Variants in GNB1 observed in about 807,000 individuals in gnomAD.
GNB1 encodes the protein guanine nucleotide-binding protein G(I)/G(S)/G(T) subunit beta-1.
Under a neutral mutation model 42.9 loss-of-function variants are expected in GNB1, and 2 were observed. That is an observed-to-expected ratio of 0.05 (90% CI 0.02 to 0.15). The LOEUF (loss-of-function observed/expected upper bound fraction) is 0.15. GNB1 is among the 10% of genes least tolerant of loss of function. The pLI is 1.00. For missense variants in GNB1, 193 were observed against 462.2 expected (o/e 0.42, Z 5.34); for synonymous variants, 183 against 174.7 (o/e 1.05, Z -0.38).
At chr1:1,815,669 A>G in intron 5 of GNB1, 87 bp downstream of exon 5, 1 of 734,372 alleles carries the variant, frequency 1.4e-6, no homozygotes, top group Non-Finnish European at 2.4e-6. Flanking sequence ...TGCACAGCAC[A>G]GCAAATGGGT....
In GNB1 at chr1:1,785,667, G is replaced by C; in HGVS notation, c.*1396C>G. On this transcript the variant is annotated 3_prime_UTR_variant, in exon 12 of 12. Coordinates refer to ENST00000378609, the MANE Select transcript of GNB1 (RefSeq NM_002074.5). ...TGAAATGAACACCAGGACAATCTGT[G>C]TGTGATGGGAATGAGCCACCTCAGA... 1 of 265,426 alleles carries C rather than the reference G, an allele frequency of 3.8e-6. No individual in the cohort carries two copies. The highest frequency in any genetic ancestry group is 7.0e-6 in the Non-Finnish European group (1 of 142,298). 16.4% of individuals were successfully genotyped at this position (265,426 alleles called of 1,614,324 possible).
At chr1:1,830,361 C>T (rs939571216) in intron 2 of GNB1, among the ~76,000 whole-genome samples, 5 of 151,224 alleles carry the variant, frequency 3.3e-5, no homozygotes, top group Middle Eastern at 3.2e-3. Context: ...CCCGGGTTCA[C>T]GCCACTCTCC....
At chr1:1,874,752 TG>T (rs1373808569) in intron 1 of GNB1, among the ~76,000 whole-genome samples, 2 of 151,364 alleles carry the variant, frequency 1.3e-5, no homozygotes, top group Admixed American at 1.3e-4. Flanking sequence ...ATGGTGCCAC[TG>T]CAGTCCAGCC....
intron 4 of GNB1, among the ~76,000 whole-genome samples, chr1:1,817,270 G>A (rs1169731014): frequency 6.6e-6 from 1 of 152,208 alleles, no homozygotes; most frequent in African/African-American, 2.4e-5. Flanking sequence ...GCCTCTGACT[G>A]TACTGACGTC....
intron 1 of GNB1, among the ~76,000 whole-genome samples, chr1:1,858,470 G>T (rs966754052): frequency 1.3e-5 from 2 of 152,062 alleles, no homozygotes; most frequent in Non-Finnish European, 2.9e-5. Flanking sequence ...CTCCCCTCTG[G>T]TGACAGGCAG....
At position 1,811,737 on chromosome 1, in the gene GNB1, G is replaced by A. The variant is rs572905842; in HGVS notation, c.203+4019C>T. 5.0e-4 allele frequency among the ~76,000 whole-genome samples: 75 copies of A among 151,106 alleles called. No individual in the cohort carries two copies. The South Asian group carries it at 0.015, about 31-fold the overall frequency. ...ATTAGTAGTCATTTCTACTGTTTCCGAGTGTCCATAAATCAAACAAACACA... is the reference window on the plus strand; with the variant it reads ...ATTAGTAGTCATTTCTACTGTTTCCAAGTGTCCATAAATCAAACAAACACA... On this transcript the variant is annotated intron_variant, in intron 5 of 11. Coordinates refer to ENST00000378609, the MANE Select transcript of GNB1 (RefSeq NM_002074.5).
rs1431421597 is a variant in GNB1, at chr1:1,890,906, G to C, written c.-182C>G. The C allele has an allele frequency of 6.8e-6, 1 of 147,112 alleles. No individual in the cohort carries two copies. Among genetic ancestry groups the C allele is most frequent in the East Asian group, 2.0e-4 (1 of 5,064 alleles). The allele number at this position is 147,112 out of a possible 1,614,324, so 9.1% of individuals were successfully genotyped here. A position where few individuals can be genotyped will look rare whatever the true frequency, so the allele number is the denominator to read the frequency against. On this transcript the variant is annotated 5_prime_UTR_variant, in exon 1 of 12. Transcript: ENST00000378609. ...TCGTCGCGCTCGGGCCGCGCTGCGC[G>C]CTCCGCGGGCGCTGCGGGCAGGTGC... is the stretch of plus-strand genomic sequence containing the variant.
chr1:1,853,731 C>CAGTGCTCT (rs1476506122), intron 1 of GNB1, among the ~76,000 whole-genome samples: 1 of 152,134 alleles, frequency 6.6e-6, no homozygotes. Flanking sequence ...TAGAATGACA[C>CAGTGCTCT]AGTGCTCTAT....
At chr1:1,860,176 A>G (rs911831606) in intron 1 of GNB1, among the ~76,000 whole-genome samples, 1 of 152,222 alleles carries the variant, frequency 6.6e-6, no homozygotes, top group African/African-American at 2.4e-5. Flanking sequence ...TTAACACAGC[A>G]ACAAAAAACT....
chr1:1,810,422 G>A (rs551586857), intron 5 of GNB1, among the ~76,000 whole-genome samples: 1 of 151,398 alleles, frequency 6.6e-6, no homozygotes, highest in East Asian at 2.0e-4. Context: ...TGTGGTACCA[G>A]CTACTCAGGA....
At chr1:1,835,102 T>C (rs1647127651) in intron 2 of GNB1, among the ~76,000 whole-genome samples, 1 of 152,222 alleles carries the variant, frequency 6.6e-6, no homozygotes, top group Admixed American at 6.5e-5. Context: ...CAATGAATAC[T>C]ATGTGCTTTC....
At chr1:1,886,387 TTCAA>T (rs764609858) in intron 1 of GNB1, among the ~76,000 whole-genome samples, 22 of 152,210 alleles carry the variant, frequency 1.4e-4, no homozygotes, top group African/African-American at 2.9e-4. Context: ...TCTCTATTTC[TTCAA>T]TCAAAGTTCT....
intron 7 of GNB1, among the ~76,000 whole-genome samples, chr1:1,803,234 G>A (rs1257303206): frequency 6.6e-6 from 1 of 152,212 alleles, no homozygotes; most frequent in East Asian, 1.9e-4. Context: ...TGATGAATTA[G>A]TGTCACAAGT....
chr1:1,877,256 C>T (rs1428250434), intron 1 of GNB1, among the ~76,000 whole-genome samples: 1 of 148,880 alleles, frequency 6.7e-6, no homozygotes, highest in Admixed American at 6.8e-5. Context: ...GCCGAGATCG[C>T]GCCTCTGCAC....
intron 6 of GNB1, among the ~76,000 whole-genome samples, chr1:1,805,547 A>T (rs181169382): frequency 1.3e-5 from 2 of 151,494 alleles, no homozygotes; most frequent in African/African-American, 2.4e-5. Context: ...AAAACAAAAA[A>T]TTTTTTTTTC....
At chr1:1,842,119 C>T (rs1647263062) in intron 1 of GNB1, among the ~76,000 whole-genome samples, 1 of 151,738 alleles carries the variant, frequency 6.6e-6, no homozygotes, top group South Asian at 2.1e-4. Flanking sequence ...ACCAACCTGG[C>T]CACCTCGTCT....
At chr1:1,850,654 G>A (rs1647931720) in intron 1 of GNB1, among the ~76,000 whole-genome samples, 1 of 151,994 alleles carries the variant, frequency 6.6e-6, no homozygotes, top group African/African-American at 2.4e-5. Flanking sequence ...AATGCATGCT[G>A]TATACCTTTC....
Position 1,791,434 on chromosome 1 carries a change from C to T in GNB1, c.498-838G>A, listed in dbSNP as rs183872736. ...AGGTGATCCGCCCGCCTCGGCCTCC[C>T]AAAGTGCTGGGATTACAGGCATGAG... On this transcript the variant is annotated intron_variant, in intron 8 of 11. Transcript: ENST00000378609. Among the ~76,000 whole-genome samples, 595 of 152,312 alleles carry T rather than the reference C, an allele frequency of 3.9e-3. 3 individuals carry two copies. The highest frequency in any genetic ancestry group is 6.9e-3 in the Non-Finnish European group (471 of 68,022).
At chr1:1,872,392 G>A (rs1204211688) in intron 1 of GNB1, among the ~76,000 whole-genome samples, 1 of 152,186 alleles carries the variant, frequency 6.6e-6, no homozygotes, top group Non-Finnish European at 1.5e-5. Context: ...ACTAGAGAAT[G>A]CACCATCTGC....
Sources: gnomAD v4.1 joint callset for allele counts (sites outside exome capture counted in the v4.1 genomes callset) on GRCh38, gnomAD v4.1.1 for gene constraint, MANE v1.5 for transcripts, NCBI Gene and HGNC (gene_info 2026-07-23, HGNC 2026-07-21) for gene names.